PHF21B: variants seen among roughly 807,000 people sequenced by gnomAD.
PHF21B encodes PHD finger protein 4.
A neutral mutation model predicts 62.2 loss-of-function variants in PHF21B; 22 were observed. The ratio of observed to expected loss-of-function variants is 0.35; its 90% CI spans 0.25 to 0.51. PHF21B has a LOEUF of 0.51. PHF21B is among the 20% of genes least tolerant of loss of function. The pLI is 0.97. For synonymous variants in PHF21B, 341 were observed against 314.7 expected, an observed-to-expected ratio of 1.08 and a Z score of -0.88; for missense variants, 701 against 707.9, an observed-to-expected ratio of 0.99 and a Z score of 0.11.
At chr22:44,953,170 G>T (rs368757914) in intron 2 of PHF21B, among the ~76,000 whole-genome samples, 1 of 152,178 alleles carries the variant, frequency 6.6e-6, no homozygotes, top group African/African-American at 2.4e-5. Context: ...TCTTCTCTCG[G>T]ACACTGAGGC....
chr22:44,911,180 G>A (rs575503642), intron 5 of PHF21B, among the ~76,000 whole-genome samples: 33 of 152,330 alleles, frequency 2.2e-4, no homozygotes, highest in African/African-American at 7.7e-4. Flanking sequence ...CTTGGGTGCT[G>A]TTAAAGGCAT....
chr22:44,882,983 T>C lies in PHF21B; in HGVS notation c.*103A>G. ...CTCTCCTCTGTCTGGTTAATTTTTG[T>C]CTGAAATTCATAGTGTTTATGAATT... On this transcript the variant is annotated 3_prime_UTR_variant, in exon 13 of 13. Coordinates refer to ENST00000313237, the MANE Select transcript of PHF21B (RefSeq NM_138415.5). 1 of 1,322,022 alleles carries C rather than the reference T, an allele frequency of 7.6e-7. No homozygotes were observed. The highest frequency in any genetic ancestry group is 1.0e-6 in the Non-Finnish European group (1 of 973,576). 81.9% of individuals were successfully genotyped at this position (1,322,022 alleles called of 1,614,324 possible).
intron 2 of PHF21B, among the ~76,000 whole-genome samples, chr22:44,922,916 C>T (rs1000852670): frequency 1.3e-4 from 20 of 152,120 alleles, no homozygotes; most frequent in Admixed American, 9.8e-4. Flanking sequence ...AGATTCAACA[C>T]AACCTCAAAT....
At chr22:44,963,649 G>A (rs1326173686) in intron 2 of PHF21B, among the ~76,000 whole-genome samples, 2 of 152,208 alleles carry the variant, frequency 1.3e-5, no homozygotes, top group Non-Finnish European at 2.9e-5. Flanking sequence ...TTAACTCAGA[G>A]AACCCGAGGC....
rs6006901 is a variant in PHF21B, at chr22:44,888,017, C to T, written c.1143G>A (p.Pro381=). ...CGCCCTTGGGCGCCGTCTTGAGGGG[C>T]GGCTCCAGGCAGCTGAGGTGGTAGG... The part of the protein sequence containing the change: ...PGAYHLSCLE[P]PLKTAPKGVW... Residue 381 remains proline (P), a synonymous_variant, in exon 10 of 13, where the codon CCG becomes CCA. Coordinates refer to ENST00000313237, the MANE Select transcript of PHF21B (RefSeq NM_138415.5). 0.12 allele frequency: 182,193 copies of T among 1,567,304 alleles called. 12,765 individuals carry two copies. The highest frequency in any genetic ancestry group is 0.32 in the African/African-American group (23,645 of 74,344).
At chr22:44,977,531 C>G (rs1210251965) in intron 2 of PHF21B, among the ~76,000 whole-genome samples, 1 of 151,830 alleles carries the variant, frequency 6.6e-6, no homozygotes, top group African/African-American at 2.4e-5. Context: ...TACCTCTACA[C>G]TCCAACCTGG....
intron 2 of PHF21B, among the ~76,000 whole-genome samples, chr22:44,948,155 T>C (rs1380354657): frequency 6.6e-6 from 1 of 152,206 alleles, no homozygotes; most frequent in South Asian, 2.1e-4. Flanking sequence ...TTTGGGATGA[T>C]TCAAGCACAT....
intron 5 of PHF21B, among the ~76,000 whole-genome samples, chr22:44,908,809 T>C (rs549366615): frequency 1.3e-5 from 2 of 152,324 alleles, no homozygotes; most frequent in South Asian, 2.1e-4. Context: ...TGTGTATGTA[T>C]GTACATGAGA....
chr22:44,936,309 C>T (rs1188396144), intron 2 of PHF21B, among the ~76,000 whole-genome samples: 2 of 152,238 alleles, frequency 1.3e-5, no homozygotes, highest in Non-Finnish European at 2.9e-5. Flanking sequence ...CCGCCTGGTT[C>T]TGAAGGCGGC....
intron 8 of PHF21B, 38 bp downstream of exon 8, chr22:44,891,268 T>C (rs1475507163): frequency 6.2e-7 from 1 of 1,610,640 alleles, no homozygotes; most frequent in East Asian, 2.2e-5. Context: ...CCCGCGGCCC[T>C]GAGCAGCTCT....
At chr22:44,915,454 C>G (rs1221251471) in intron 4 of PHF21B, among the ~76,000 whole-genome samples, 1 of 152,258 alleles carries the variant, frequency 6.6e-6, no homozygotes, top group East Asian at 1.9e-4. Context: ...AGCACCTTGT[C>G]TGGATCAGGT....
intron 2 of PHF21B, among the ~76,000 whole-genome samples, chr22:44,973,577 G>A (rs1010024861): frequency 6.6e-6 from 1 of 152,180 alleles, no homozygotes; most frequent in African/African-American, 2.4e-5. Context: ...GGGGCTCAGC[G>A]TGGGGTGGGG....
At chr22:44,999,850 A>T (rs2073182928) in intron 2 of PHF21B, among the ~76,000 whole-genome samples, 1 of 151,918 alleles carries the variant, frequency 6.6e-6, no homozygotes, top group African/African-American at 2.4e-5. Flanking sequence ...ACCTGCTCAG[A>T]GCCAGCGCCC....
chr22:44,961,617 G>C lies in PHF21B; in HGVS notation c.121-41127C>G, dbSNP rs1263921544. ...GCACTTTGGGAGGCCTACGTGGGCA[G>C]AGCACCTGAGGTCAGGAGTTCAAGA... is the stretch of plus-strand genomic sequence containing the variant. On this transcript the variant is annotated intron_variant, in intron 2 of 12. Coordinates refer to ENST00000313237, the MANE Select transcript of PHF21B (RefSeq NM_138415.5). 1.3e-5 allele frequency among the ~76,000 whole-genome samples: 2 copies of C among 152,088 alleles called. 1 individual carries two copies. The highest frequency in any genetic ancestry group is 4.1e-4 in the South Asian group (2 of 4,822).
chr22:44,942,291 G>A (rs144720906), intron 2 of PHF21B, among the ~76,000 whole-genome samples: 210 of 152,282 alleles, frequency 1.4e-3, no homozygotes, highest in Non-Finnish European at 2.3e-3. Flanking sequence ...CCATCTGGAG[G>A]GCAGCCGATG....
intron 10 of PHF21B, among the ~76,000 whole-genome samples, chr22:44,886,517 C>T (rs2070861827): frequency 1.3e-5 from 2 of 151,256 alleles, no homozygotes; most frequent in Admixed American, 1.3e-4. Context: ...TGAGACCCAA[C>T]CTCTACAAAA....
intron 7 of PHF21B, among the ~76,000 whole-genome samples, chr22:44,892,278 G>T (rs1433878485): frequency 6.6e-6 from 1 of 152,228 alleles, no homozygotes; most frequent in Non-Finnish European, 1.5e-5. Flanking sequence ...GAAGTGAATG[G>T]TATGAAACGG....
chr22:45,007,714 A>AGGGGCGGGTGTGCGAGTGC (rs1569290259), intron 2 of PHF21B, among the ~76,000 whole-genome samples: 2 of 10,742 alleles, frequency 1.9e-4, no homozygotes, highest in African/African-American at 4.2e-4. Context: ...AGCGCGGGGA[A>AGGGGCGGGTGTGCGAGTGC]GGGGCGGGTG....
Position 44,912,878 on chromosome 22 carries a change from C to CAAAAAAAAAAAAAAAAA in PHF21B, c.831+927_831+943dup, listed in dbSNP as rs3087031. Among the ~76,000 whole-genome samples, 20 of 45,556 alleles carry CAAAAAAAAAAAAAAAAA rather than the reference C, an allele frequency of 4.4e-4. 2 individuals are homozygous for CAAAAAAAAAAAAAAAAA. The highest frequency in any genetic ancestry group is 1.3e-3 in the Admixed American group (4 of 3,196). The allele number at this position is 45,556 out of a possible 152,430, so 29.9% of individuals were successfully genotyped here. On this transcript the variant is annotated intron_variant, in intron 5 of 12. Transcript: ENST00000313237. Reference sequence around the variant, plus strand: ...TGGCTCAAAGAGTCAGACTCTATCTCAAAAAAAAAAAAAAAAAAAGACAAA... The same window carrying CAAAAAAAAAAAAAAAAA: ...TGGCTCAAAGAGTCAGACTCTATCTCAAAAAAAAAAAAAAAAAAAAAAAAAAAAAAAAAAAAGACAAA...
Sources: allele counts gnomAD v4.1 joint callset (sites outside exome capture counted in the v4.1 genomes callset), GRCh38; gene constraint gnomAD v4.1.1; transcripts MANE v1.5; gene names NCBI Gene and HGNC (gene_info 2026-07-23, HGNC 2026-07-21).